The following WDFY2 variants were observed in gnomAD, a reference collection of about 807,000 sequenced individuals.
WDFY2 encodes the protein WD repeat and FYVE domain containing 2.
Under a neutral mutation model 56.4 loss-of-function variants are expected in WDFY2, and 36 were observed. The ratio of observed to expected loss-of-function variants is 0.64; its 90% CI spans 0.49 to 0.84. The LOEUF (loss-of-function observed/expected upper bound fraction) is 0.84. Among genes scored for constraint, WDFY2 ranks in the 40% least tolerant of loss-of-function variants. The pLI is 0.00. For synonymous variants in WDFY2, 176 were observed against 183.7 expected, an observed-to-expected ratio of 0.96 and a Z score of 0.34; for missense variants, 444 against 512.2, an observed-to-expected ratio of 0.87 and a Z score of 1.29.
At position 51,584,616 on chromosome 13, in the gene WDFY2, G is replaced by C; in HGVS notation, c.-72G>C. The C allele has an allele frequency of 6.5e-7, 1 of 1,528,612 alleles. No homozygotes were observed. The highest frequency in any genetic ancestry group is 8.7e-7 in the Non-Finnish European group (1 of 1,143,748). 94.7% of individuals were successfully genotyped at this position (1,528,612 alleles called of 1,614,324 possible). ...AGTCTCTGTCTCAACCTGTGTCCGT[G>C]CTCCAGCAGTCTCCTCAGCCCGGCC... is the stretch of plus-strand genomic sequence containing the variant. On this transcript the variant is annotated 5_prime_UTR_variant, in exon 1 of 12. Transcript: ENST00000298125.
intron 7 of WDFY2, among the ~76,000 whole-genome samples, chr13:51,751,008 G>A (rs1953221369): frequency 6.6e-6 from 1 of 152,160 alleles, no homozygotes; most frequent in South Asian, 2.1e-4. Flanking sequence ...CTTAAGGAAG[G>A]AGGGAACCAG....
At chr13:51,720,507 A>T (rs1952463073) in intron 5 of WDFY2, among the ~76,000 whole-genome samples, 1 of 152,202 alleles carries the variant, frequency 6.6e-6, no homozygotes, top group African/African-American at 2.4e-5. Flanking sequence ...TGAGCATAAT[A>T]CTTAAGTTGA....
At chr13:51,739,904 A>C (rs1952930104) in intron 7 of WDFY2, among the ~76,000 whole-genome samples, 1 of 152,202 alleles carries the variant, frequency 6.6e-6, no homozygotes, top group Admixed American at 6.5e-5. Context: ...CTGGGGCCAA[A>C]GCTTAATCTT....
chr13:51,617,000 A>C lies in WDFY2; in HGVS notation c.137+32176A>C, dbSNP rs187569700. 2.3e-4 allele frequency among the ~76,000 whole-genome samples: 35 copies of C among 152,362 alleles called. No homozygotes were observed. In the East Asian group the frequency reaches 6.6e-3, roughly 29 times the overall value. Reference sequence around the variant, plus strand: ...TCATGTCATTGTGACAAAGCTGTGAAAGATAAAATGATTCGTATATATTTA... The same window carrying C: ...TCATGTCATTGTGACAAAGCTGTGACAGATAAAATGATTCGTATATATTTA... On this transcript the variant is annotated intron_variant, in intron 1 of 11. Transcript: ENST00000298125.
At chr13:51,598,083 G>A (rs1418687536) in intron 1 of WDFY2, among the ~76,000 whole-genome samples, 4 of 152,196 alleles carry the variant, frequency 2.6e-5, no homozygotes, top group African/African-American at 9.7e-5. Flanking sequence ...GGCAGGGGCA[G>A]GTGTGGTGGC....
At chr13:51,626,119 G>A (rs1227646434) in intron 1 of WDFY2, among the ~76,000 whole-genome samples, 1 of 151,996 alleles carries the variant, frequency 6.6e-6, no homozygotes, top group Admixed American at 6.5e-5. Context: ...TTGAAATCCT[G>A]AACTCTTAAA....
intron 1 of WDFY2, chr13:51,594,070 C>G (rs1197957845): frequency 6.6e-6 from 1 of 152,180 alleles, no homozygotes; most frequent in Admixed American, 6.5e-5. Flanking sequence ...GTCCCCAGCT[C>G]ACATGAGGTC....
chr13:51,711,810 G>A (rs1177207576), intron 4 of WDFY2, among the ~76,000 whole-genome samples: 2 of 152,172 alleles, frequency 1.3e-5, no homozygotes, highest in African/African-American at 4.8e-5. Flanking sequence ...GAGAGGATGT[G>A]GAGAAATAGG....
At chr13:51,652,873 A>G (rs1446839104) in intron 1 of WDFY2, among the ~76,000 whole-genome samples, 2 of 152,064 alleles carry the variant, frequency 1.3e-5, no homozygotes, top group Non-Finnish European at 2.9e-5. Context: ...GAATCTGATA[A>G]TTATGTGTCT....
At chr13:51,727,252 T>G (rs920773566) in intron 5 of WDFY2, among the ~76,000 whole-genome samples, 2 of 152,206 alleles carry the variant, frequency 1.3e-5, no homozygotes, top group African/African-American at 4.8e-5. Context: ...AGTCTATTTA[T>G]GCACCAATAC....
chr13:51,612,142 T>C (rs1954515692), intron 1 of WDFY2, among the ~76,000 whole-genome samples: 1 of 152,062 alleles, frequency 6.6e-6, no homozygotes. Flanking sequence ...TTACAGAGCT[T>C]TACATGGAAT....
intron 3 of WDFY2, among the ~76,000 whole-genome samples, chr13:51,688,835 A>G (rs1307672496): frequency 1.3e-5 from 2 of 152,226 alleles, no homozygotes; most frequent in Non-Finnish European, 2.9e-5. Context: ...TTTTAAAAAT[A>G]AATATCAGCA....
chr13:51,724,416 T>G (rs1952560670), intron 5 of WDFY2, among the ~76,000 whole-genome samples: 1 of 152,056 alleles, frequency 6.6e-6, no homozygotes, highest in Non-Finnish European at 1.5e-5. Flanking sequence ...TTTTTGTATT[T>G]TTAGTAGAGA....
intron 7 of WDFY2, among the ~76,000 whole-genome samples, chr13:51,742,600 C>T (rs1952999604): frequency 6.6e-6 from 1 of 152,186 alleles, no homozygotes. Flanking sequence ...CTTTTAAATT[C>T]TTACATAATA....
Position 51,753,696 on chromosome 13 carries a change from C to T in WDFY2, c.832-1662C>T, listed in dbSNP as rs368194017. On this transcript the variant is annotated intron_variant, in intron 8 of 11. Transcript: ENST00000298125. Reference sequence around the variant, plus strand: ...CTCCCAAATGCCTCCTCACAGATACCCACTGTGATGTGTTTGATGTGTGTC... The same window carrying T: ...CTCCCAAATGCCTCCTCACAGATACTCACTGTGATGTGTTTGATGTGTGTC... Among the ~76,000 whole-genome samples, 12 of 152,088 alleles carry T rather than the reference C, an allele frequency of 7.9e-5. No individual in the cohort carries two copies. The East Asian group carries it at 1.7e-3, about 22-fold the overall frequency.
chr13:51,746,174 G>T (rs1018834699), intron 7 of WDFY2, among the ~76,000 whole-genome samples: 2 of 151,620 alleles, frequency 1.3e-5, no homozygotes, highest in African/African-American at 2.4e-5. Flanking sequence ...TAGAGACAGG[G>T]TTTCTCCACA....
At chr13:51,744,075 G>A (rs1953037815) in intron 7 of WDFY2, among the ~76,000 whole-genome samples, 2 of 152,170 alleles carry the variant, frequency 1.3e-5, no homozygotes, top group African/African-American at 4.8e-5. Context: ...TCCCTTTTAC[G>A]GTGCTTTGGC....
chr13:51,620,697 T>G (rs924993090), intron 1 of WDFY2, among the ~76,000 whole-genome samples: 1 of 151,764 alleles, frequency 6.6e-6, no homozygotes, highest in African/African-American at 2.4e-5. Context: ...TCTCTCTGAC[T>G]TTGCTGTAGC....
At chr13:51,690,960 T>C (rs1229370406) in intron 3 of WDFY2, among the ~76,000 whole-genome samples, 1 of 152,222 alleles carries the variant, frequency 6.6e-6, no homozygotes, top group African/African-American at 2.4e-5. Context: ...TGGTGAGCAT[T>C]TTTTCATGTG....
Sources: allele counts gnomAD v4.1 joint callset (sites outside exome capture counted in the v4.1 genomes callset), GRCh38; gene constraint gnomAD v4.1.1; transcripts MANE v1.5; gene names NCBI Gene and HGNC (gene_info 2026-07-23, HGNC 2026-07-21).